Variants in FOXO1 observed in about 807,000 individuals in gnomAD.
FOXO1 encodes forkhead box O1.
A neutral mutation model predicts 44.1 loss-of-function variants in FOXO1; 6 were observed. The observed-to-expected ratio is 0.14, with a 90% CI of 0.07 to 0.27. The LOEUF (loss-of-function observed/expected upper bound fraction) is 0.27, where lower values mean the gene tolerates loss of function less well. Ranked by LOEUF, FOXO1 falls within the 10% of genes least tolerant of loss-of-function variation. The pLI is 1.00. For synonymous variants in FOXO1, 380 were observed against 362.7 expected, an observed-to-expected ratio of 1.05 and a Z score of -0.54; for missense variants, 737 against 888.8, an observed-to-expected ratio of 0.83 and a Z score of 2.17.
chr13:40,578,003 T>C (rs982622547), intron 1 of FOXO1, among the ~76,000 whole-genome samples: 1 of 152,194 alleles, frequency 6.6e-6, no homozygotes. Context: ...GAAGAGCTGA[T>C]TAAGAACATG....
At chr13:40,641,783 C>G (rs1403578449) in intron 1 of FOXO1, among the ~76,000 whole-genome samples, 1 of 151,962 alleles carries the variant, frequency 6.6e-6, no homozygotes, top group East Asian at 1.9e-4. Flanking sequence ...GTCAGGAGTT[C>G]AAGACCAGCC....
In FOXO1 at chr13:40,557,062, A is replaced by G. The variant is rs557041510; in HGVS notation, c.*1987T>C. 1 of 152,368 alleles carries G rather than the reference A, an allele frequency of 6.6e-6. No homozygotes were observed. Among genetic ancestry groups the G allele is most frequent in the East Asian group, 1.9e-4 (1 of 5,190 alleles). The allele number at this position is 152,368 out of a possible 1,614,324, so 9.4% of individuals were successfully genotyped here. On this transcript the variant is annotated 3_prime_UTR_variant, in exon 3 of 3. Transcript: ENST00000379561. Reference sequence around the variant, plus strand: ...TGATCATCACAGTGGGAAGCTTACAATAGAGCTGGCTTACTGTAGGAAATC... The same window carrying G: ...TGATCATCACAGTGGGAAGCTTACAGTAGAGCTGGCTTACTGTAGGAAATC...
intron 1 of FOXO1, among the ~76,000 whole-genome samples, chr13:40,575,091 G>A (rs1349379478): frequency 1.3e-5 from 2 of 151,968 alleles, no homozygotes; most frequent in Non-Finnish European, 2.9e-5. Context: ...CAGCACTTTC[G>A]GAGGCAAAGG....
intron 1 of FOXO1, among the ~76,000 whole-genome samples, chr13:40,600,520 G>A (rs978379933): frequency 2.6e-5 from 4 of 152,104 alleles, no homozygotes; most frequent in East Asian, 3.9e-4. Context: ...ATTTAAAGAC[G>A]CCCTTTCTCA....
At chr13:40,597,446 CA>C (rs1256726258) in intron 1 of FOXO1, among the ~76,000 whole-genome samples, 1 of 152,180 alleles carries the variant, frequency 6.6e-6, no homozygotes, top group East Asian at 1.9e-4. Context: ...ACATTTCTGA[CA>C]GAGCCCAAGG....
chr13:40,601,356 T>C (rs1233882060), intron 1 of FOXO1, among the ~76,000 whole-genome samples: 2 of 152,226 alleles, frequency 1.3e-5, no homozygotes, highest in South Asian at 2.1e-4. Flanking sequence ...GACTGAACTT[T>C]GTTAATCAAA....
At chr13:40,584,564 C>T (rs1013627341) in intron 1 of FOXO1, among the ~76,000 whole-genome samples, 4 of 149,502 alleles carry the variant, frequency 2.7e-5, no homozygotes, top group African/African-American at 7.4e-5. Context: ...AGGAGGATCA[C>T]CTGAGCCCGG....
At position 40,665,817 on chromosome 13, in the gene FOXO1, C is replaced by T; in HGVS notation, c.396G>A (p.Ser132=). 8.3e-7 allele frequency: 1 copy of T among 1,202,942 alleles called. No individual in the cohort carries two copies. The allele number at this position is 1,202,942 out of a possible 1,614,324, so 74.5% of individuals were successfully genotyped here. A position where few individuals can be genotyped will look rare whatever the true frequency, so the allele number is the denominator to read the frequency against. The change falls in exon 1 of 3, where the codon TCG becomes TCA. Residue 132 remains serine (S), a synonymous_variant. Transcript: ENST00000379561. ...PPQPPPPGPL[S]QHPPVPPAAA... ...CGGCGGGGGGCACCGGCGGGTGCTG[C>T]GACAGCGGCCCGGGCGGCGGGGGCT... is the stretch of plus-strand genomic sequence containing the variant.
intron 1 of FOXO1, among the ~76,000 whole-genome samples, chr13:40,576,399 T>C (rs375336080): frequency 2.6e-4 from 39 of 152,284 alleles, no homozygotes; most frequent in African/African-American, 5.3e-4. Flanking sequence ...ACCTGGATGA[T>C]AGGAGGAGAG....
intron 1 of FOXO1, among the ~76,000 whole-genome samples, chr13:40,651,064 C>T (rs12585452): frequency 0.12 from 18,497 of 151,834 alleles, 1,991 homozygotes; most frequent in East Asian, 0.4. Flanking sequence ...TGAGCCACCA[C>T]GCACTGCCTA....
At chr13:40,592,871 G>T (rs1011025729) in intron 1 of FOXO1, among the ~76,000 whole-genome samples, 2 of 152,126 alleles carry the variant, frequency 1.3e-5, no homozygotes, top group African/African-American at 4.8e-5. Flanking sequence ...GGTCTCACAT[G>T]ATCAAACATA....
chr13:40,665,143 C>T (rs778772832), intron 1 of FOXO1, among the ~76,000 whole-genome samples: 5 of 151,896 alleles, frequency 3.3e-5, no homozygotes, highest in Non-Finnish European at 5.9e-5. Flanking sequence ...GCGCCCTCCC[C>T]CGCCGCGCCC....
At chr13:40,627,901 T>C (rs758759734) in intron 1 of FOXO1, among the ~76,000 whole-genome samples, 5 of 150,740 alleles carry the variant, frequency 3.3e-5, no homozygotes, top group African/African-American at 4.9e-5. Context: ...AGATCCATAA[T>C]AGACTATTCT....
At chr13:40,631,844 T>C (rs1298060413) in intron 1 of FOXO1, among the ~76,000 whole-genome samples, 2 of 152,190 alleles carry the variant, frequency 1.3e-5, no homozygotes, top group African/African-American at 4.8e-5. Context: ...TGGATGGTGA[T>C]TACAATGGGT....
At chr13:40,593,731 G>A (rs1161118731) in intron 1 of FOXO1, among the ~76,000 whole-genome samples, 2 of 152,110 alleles carry the variant, frequency 1.3e-5, no homozygotes, top group Non-Finnish European at 2.9e-5. Flanking sequence ...CCTCTGGCTT[G>A]CAGTAAATCT....
intron 1 of FOXO1, among the ~76,000 whole-genome samples, chr13:40,628,142 T>A (rs1161021672): frequency 6.6e-6 from 1 of 152,150 alleles, no homozygotes; most frequent in Non-Finnish European, 1.5e-5. Flanking sequence ...AGTTTTTTTT[T>A]ATTCTTCAAA....
intron 1 of FOXO1, among the ~76,000 whole-genome samples, chr13:40,595,423 G>C (rs2137871383): frequency 6.6e-6 from 1 of 152,132 alleles, no homozygotes; most frequent in East Asian, 1.9e-4. Flanking sequence ...TCTGGGGGTG[G>C]GCCTGAGATT....
intron 1 of FOXO1, among the ~76,000 whole-genome samples, chr13:40,580,776 T>C (rs1874925860): frequency 1.3e-5 from 2 of 152,154 alleles, no homozygotes; most frequent in South Asian, 4.1e-4. Flanking sequence ...CAATCACTAT[T>C]AGCAGTAGCA....
At chr13:40,593,966 A>G (rs1875483843) in intron 1 of FOXO1, among the ~76,000 whole-genome samples, 1 of 152,186 alleles carries the variant, frequency 6.6e-6, no homozygotes, top group Admixed American at 6.5e-5. Context: ...CACAATTTTA[A>G]GACTAAATTT....
Sources: gnomAD v4.1 joint callset for allele counts (sites outside exome capture counted in the v4.1 genomes callset) on GRCh38, gnomAD v4.1.1 for gene constraint, MANE v1.5 for transcripts, NCBI Gene and HGNC (gene_info 2026-07-23, HGNC 2026-07-21) for gene names.